Variants in DCAF8L2 observed in about 807,000 individuals in gnomAD.
DCAF8L2 encodes the protein DDB1- and CUL4-associated factor 8-like protein 2.
For synonymous variants in DCAF8L2, 200 were observed against 190.9 expected (o/e 1.05, Z -0.39); for missense variants, 430 against 490.7 (o/e 0.88, Z 1.17).
At chrX:27,704,494 T>C (rs1602754580) in intron 3 of DCAF8L2, among the ~76,000 whole-genome samples, 1 of 109,824 alleles carries the variant, frequency 9.1e-6, no homozygotes, top group East Asian at 2.9e-4. Context: ...TAGAGTAGAA[T>C]TGTGATTGCC....
chrX:27,635,786 CGTGTGTGTGTGTGTGTGT>C (rs754830405), intron 2 of DCAF8L2, among the ~76,000 whole-genome samples: 4 of 90,419 alleles, frequency 4.4e-5, no homozygotes, highest in Non-Finnish European at 6.5e-5. Context: ...TTTCCTTTTA[CGTGTGTGTGTGTGTGTGT>C]GTGTGTGTGT....
At chrX:27,595,078 TCTC>T (rs1301034138) in intron 1 of DCAF8L2, among the ~76,000 whole-genome samples, 5 of 110,701 alleles carry the variant, frequency 4.5e-5, no homozygotes, top group African/African-American at 1.6e-4. Context: ...ATTTCTCTAT[TCTC>T]CTCCTATTCT....
the DCAF8L2 span, among the ~76,000 whole-genome samples, chrX:27,553,366 A>G: frequency 9.0e-6 from 1 of 111,414 alleles, no homozygotes; most frequent in Non-Finnish European, 1.9e-5. Flanking sequence ...GTCACCTACT[A>G]TTACTGTATT....
the DCAF8L2 span, among the ~76,000 whole-genome samples, chrX:27,539,245 A>ATG: frequency 1.4e-4 from 16 of 111,436 alleles, no homozygotes; most frequent in Non-Finnish European, 3.0e-4. Context: ...ATGTTTTTGC[A>ATG]TGTGTGTGAT....
the DCAF8L2 span, among the ~76,000 whole-genome samples, chrX:27,524,221 TATTCAGGG>T: frequency 8.9e-6 from 1 of 111,898 alleles, no homozygotes; most frequent in Admixed American, 9.5e-5. Context: ...GTTATTGGTC[TATTCAGGG>T]ATTCAACTTC....
At chrX:27,726,240 T>C (rs1213035598) in intron 4 of DCAF8L2, among the ~76,000 whole-genome samples, 1 of 111,427 alleles carries the variant, frequency 9.0e-6, no homozygotes, top group Non-Finnish European at 1.9e-5. Flanking sequence ...CTGAATGGGA[T>C]TTGGGAGATC....
intron 2 of DCAF8L2, among the ~76,000 whole-genome samples, chrX:27,646,557 G>A (rs1287856065): frequency 9.0e-6 from 1 of 111,462 alleles, no homozygotes; most frequent in Non-Finnish European, 1.9e-5. Flanking sequence ...AGCAAAAATT[G>A]ACAAATGGGA....
chrX:27,489,247 A>T, the DCAF8L2 span, among the ~76,000 whole-genome samples: 3 of 110,746 alleles, frequency 2.7e-5, no homozygotes, highest in Non-Finnish European at 3.8e-5. Flanking sequence ...ACAGGCGCCC[A>T]CCACCGTGCC....
At chrX:27,681,713 T>A (rs1178577460) in intron 3 of DCAF8L2, among the ~76,000 whole-genome samples, 1 of 111,672 alleles carries the variant, frequency 9.0e-6, no homozygotes, top group Non-Finnish European at 1.9e-5. Context: ...TAAAATAACT[T>A]TCAGAAATAG....
At chrX:27,655,444 A>G (rs1191976889) in intron 2 of DCAF8L2, among the ~76,000 whole-genome samples, 3 of 112,342 alleles carry the variant, frequency 2.7e-5, no homozygotes, top group Non-Finnish European at 3.8e-5. Context: ...TCATTTGCAT[A>G]TTCATAATAC....
intron 1 of DCAF8L2, among the ~76,000 whole-genome samples, chrX:27,624,496 GA>G (rs1344682882): frequency 2.5e-4 from 26 of 104,090 alleles, no homozygotes; most frequent in South Asian, 4.1e-4. Flanking sequence ...CTCAGAATTA[GA>G]AAAAAAAAAC....
At chrX:27,510,220 CTT>C in the DCAF8L2 span, among the ~76,000 whole-genome samples, 1 of 109,399 alleles carries the variant, frequency 9.1e-6, no homozygotes, top group Non-Finnish European at 1.9e-5. Flanking sequence ...TTTTTTCTCT[CTT>C]AACTTAAAAC....
chrX:27,684,843 A>G (rs770935901), intron 3 of DCAF8L2, among the ~76,000 whole-genome samples: 19 of 111,658 alleles, frequency 1.7e-4, no homozygotes, highest in East Asian at 5.7e-4. Flanking sequence ...TAGTGACCCA[A>G]TGCTCACTCA....
chrX:27,559,783 T>C, the DCAF8L2 span, among the ~76,000 whole-genome samples: 1 of 111,448 alleles, frequency 9.0e-6, no homozygotes, highest in Non-Finnish European at 1.9e-5. Context: ...TAACACGTGA[T>C]ACAAAAAGCT....
At chrX:27,730,742 A>G (rs985550754) in intron 4 of DCAF8L2, among the ~76,000 whole-genome samples, 1 of 111,125 alleles carries the variant, frequency 9.0e-6, no homozygotes, top group Admixed American at 9.6e-5. Flanking sequence ...AAAAACTACT[A>G]AAGTTTGTTT....
intron 1 of DCAF8L2, among the ~76,000 whole-genome samples, chrX:27,616,750 A>C (rs1294212000): frequency 9.0e-6 from 1 of 111,211 alleles, no homozygotes; most frequent in East Asian, 2.8e-4. Context: ...CTCTTTGTCC[A>C]TGATATCTCT....
At chrX:27,726,486 G>C (rs1932074399) in intron 4 of DCAF8L2, among the ~76,000 whole-genome samples, 1 of 110,835 alleles carries the variant, frequency 9.0e-6, no homozygotes, top group African/African-American at 3.3e-5. Context: ...AATCATATGT[G>C]TAGAGCATTA....
intron 3 of DCAF8L2, among the ~76,000 whole-genome samples, chrX:27,698,601 T>C (rs182758098): frequency 1.1e-4 from 12 of 112,366 alleles, no homozygotes; most frequent in African/African-American, 2.9e-4. Context: ...CCTTGAGCCT[T>C]GGACTAATCA....
At chrX:27,621,960 C>A (rs1242598160) in intron 1 of DCAF8L2, among the ~76,000 whole-genome samples, 1 of 109,674 alleles carries the variant, frequency 9.1e-6, no homozygotes, top group African/African-American at 3.3e-5. Context: ...ACCATGCAAT[C>A]CAGCCTGGGT....
Sources: allele counts gnomAD v4.1 joint callset (sites outside exome capture counted in the v4.1 genomes callset), GRCh38; gene constraint gnomAD v4.1.1; transcripts MANE v1.5; gene names NCBI Gene and HGNC (gene_info 2026-07-23, HGNC 2026-07-21).